The following RBFOX1 variants were observed in gnomAD, a reference collection of about 807,000 sequenced individuals.
RBFOX1 encodes the protein RNA binding fox-1 homolog 1.
RBFOX1 carries 8 observed loss-of-function variants against 57.7 expected under a neutral mutation model. The ratio of observed to expected loss-of-function variants is 0.14; its 90% CI spans 0.08 to 0.25. The LOEUF is 0.25. Among genes scored for constraint, RBFOX1 ranks in the 10% least tolerant of loss-of-function variants. RBFOX1 has a pLI of 1.00. For synonymous variants in RBFOX1, 326 were observed against 222.4 expected (o/e 1.47, Z -4.15); for missense variants, 611 against 548.5 (o/e 1.11, Z -1.14).
chr16:6,301,121 T>G (rs1294933230), intron 1 of RBFOX1, among the ~76,000 whole-genome samples: 1 of 152,242 alleles, frequency 6.6e-6, no homozygotes, highest in African/African-American at 2.4e-5. Flanking sequence ...CTGGAAACTT[T>G]GGAATGTAGA....
chr16:5,908,079 T>TATATATACAC lies in RBFOX1; in HGVS notation c.351+40762_351+40771dup, dbSNP rs914911980. 9.7e-5 allele frequency among the ~76,000 whole-genome samples: 14 copies of TATATATACAC among 144,816 alleles called. No homozygotes were observed. The East Asian group carries it at 2.7e-3, about 28-fold the overall frequency. ...GTATGTATGTGTGTATGTATATATA[T>TATATATACAC]ATATATACACATATATACACATATA... On this transcript the variant is annotated intron_variant, in intron 4 of 19. Coordinates refer to the RBFOX1 transcript ENST00000641259.
chr16:6,715,921 C>T (rs576784216), intron 3 of RBFOX1, among the ~76,000 whole-genome samples: 8 of 152,196 alleles, frequency 5.3e-5, no homozygotes, highest in Non-Finnish European at 1.2e-4. Context: ...TCATACCCTG[C>T]TTCTCTCTTC....
intron 3 of RBFOX1, among the ~76,000 whole-genome samples, chr16:6,847,147 C>T (rs114379073): frequency 1.2e-3 from 184 of 152,182 alleles, no homozygotes; most frequent in Non-Finnish European, 6.9e-4. Context: ...TCCTGTCTTG[C>T]GGCCATTAAA....
At chr16:5,673,775 G>A (rs2050085522) in intron 3 of RBFOX1, among the ~76,000 whole-genome samples, 1 of 152,218 alleles carries the variant, frequency 6.6e-6, no homozygotes, top group Admixed American at 6.5e-5. Flanking sequence ...ACATGGCAGT[G>A]CATCACTGTA....
intron 2 of RBFOX1, among the ~76,000 whole-genome samples, chr16:6,524,489 T>G (rs1414922701): frequency 6.6e-6 from 1 of 152,312 alleles, no homozygotes; most frequent in East Asian, 1.9e-4. Context: ...TCTTCCATGT[T>G]ACCTCGTTAG....
chr16:7,580,894 A>G (rs1162872421), intron 6 of RBFOX1, among the ~76,000 whole-genome samples: 2 of 152,206 alleles, frequency 1.3e-5, no homozygotes, highest in African/African-American at 4.8e-5. Flanking sequence ...ACTTAGAGCA[A>G]TGGTGGGCTT....
chr16:6,964,385 A>C (rs867722791), intron 3 of RBFOX1, among the ~76,000 whole-genome samples: 1 of 152,146 alleles, frequency 6.6e-6, no homozygotes, highest in Non-Finnish European at 1.5e-5. Flanking sequence ...CTGTGTCGTT[A>C]TATATTGGTC....
intron 2 of RBFOX1, among the ~76,000 whole-genome samples, chr16:6,619,639 CT>C: frequency 6.6e-6 from 1 of 150,604 alleles, no homozygotes; most frequent in East Asian, 1.9e-4. Flanking sequence ...ACCTGTGCCC[CT>C]GAGAAACTCT....
chr16:7,298,301 T>G (rs2095947058), intron 4 of RBFOX1, among the ~76,000 whole-genome samples: 1 of 148,748 alleles, frequency 6.7e-6, no homozygotes, highest in African/African-American at 2.5e-5. Context: ...TTTTTTTTTT[T>G]TTTTTGAGAT....
chr16:5,538,811 A>G, intron 2 of RBFOX1, among the ~76,000 whole-genome samples: 1 of 152,012 alleles, frequency 6.6e-6, no homozygotes, highest in Non-Finnish European at 1.5e-5. Context: ...TATTTTTAGT[A>G]GAGACAGAGT....
intron 1 of RBFOX1, among the ~76,000 whole-genome samples, chr16:5,360,977 G>T (rs1567386520): frequency 2.0e-5 from 3 of 152,124 alleles, no homozygotes; most frequent in Admixed American, 2.0e-4. Flanking sequence ...AACCCTGATT[G>T]ATAACCATAC....
In RBFOX1 at chr16:6,478,406, TATATATATATATATATATATATA is replaced by T. The variant is rs1567368127; in HGVS notation, c.-64+161350_-64+161372del. 5.3e-4 allele frequency among the ~76,000 whole-genome samples: 10 copies of T among 18,860 alleles called. No homozygotes were observed. In the South Asian group the frequency reaches 8.1e-3, roughly 15 times the overall value. 12.4% of individuals were successfully genotyped at this position (18,860 alleles called of 152,430 possible). On this transcript the variant is annotated intron_variant, in intron 2 of 15. Coordinates refer to ENST00000550418, the MANE Select transcript of RBFOX1 (RefSeq NM_018723.4). ...CCCAGCTAATATATATATATATATA[TATATATATATATATATATATATA>T]TTTTTTTTTTTTTTTTTTGTATTTT...
At chr16:6,973,430 T>A (rs1295219129) in intron 3 of RBFOX1, among the ~76,000 whole-genome samples, 1 of 152,146 alleles carries the variant, frequency 6.6e-6, no homozygotes, top group Admixed American at 6.6e-5. Flanking sequence ...TTCTTCCCAG[T>A]GATATCAACA....
intron 2 of RBFOX1, among the ~76,000 whole-genome samples, chr16:6,387,715 A>ATAGTGGGC (rs2092373429): frequency 6.6e-6 from 1 of 152,082 alleles, no homozygotes; most frequent in African/African-American, 2.4e-5. Context: ...TTGAGGGTGT[A>ATAGTGGGC]TAGTGGGCAC....
At chr16:6,045,196 A>T (rs1311406660) in intron 1 of RBFOX1, among the ~76,000 whole-genome samples, 1 of 152,204 alleles carries the variant, frequency 6.6e-6, no homozygotes, top group Non-Finnish European at 1.5e-5. Context: ...GGGACCTGAG[A>T]TTCTGAATTT....
intron 10 of RBFOX1, among the ~76,000 whole-genome samples, chr16:7,610,027 A>G (rs1363217495): frequency 6.7e-6 from 1 of 149,320 alleles, no homozygotes; most frequent in South Asian, 2.1e-4. Context: ...CCTGTTAGCC[A>G]GGATGGTCTC....
At chr16:5,932,010 C>G (rs574669985) in intron 4 of RBFOX1, among the ~76,000 whole-genome samples, 2 of 152,104 alleles carry the variant, frequency 1.3e-5, no homozygotes, top group East Asian at 3.9e-4. Context: ...CCCTATGTTT[C>G]CCAGGCTGGT....
At chr16:7,703,446 G>C (rs1422114380) in intron 14 of RBFOX1, among the ~76,000 whole-genome samples, 1 of 150,528 alleles carries the variant, frequency 6.6e-6, no homozygotes, top group Non-Finnish European at 1.5e-5. Context: ...GATTCACCCA[G>C]CTATCTCTGG....
Position 6,238,031 on chromosome 16 carries a change from C to A in RBFOX1, c.-126-78964C>A, listed in dbSNP as rs564557286. Among the ~76,000 whole-genome samples, 4 of 137,130 alleles carry A rather than the reference C, an allele frequency of 2.9e-5. No homozygotes were observed. The South Asian group carries it at 9.0e-4, about 31-fold the overall frequency. The allele number at this position is 137,130 out of a possible 152,430, so 90.0% of individuals were successfully genotyped here. A position where few individuals can be genotyped will look rare whatever the true frequency, so the allele number is the denominator to read the frequency against. On this transcript the variant is annotated intron_variant, in intron 1 of 15. Transcript: ENST00000550418. ...ACTTGAACCTGGGAGGCAGAGATTG[C>A]AGTAAGCTGAAATCGCGCCACTGTA...
Sources: allele counts gnomAD v4.1 joint callset (sites outside exome capture counted in the v4.1 genomes callset), GRCh38; gene constraint gnomAD v4.1.1; transcripts MANE v1.5; gene names NCBI Gene and HGNC (gene_info 2026-07-23, HGNC 2026-07-21).